Variants in FRMD4A observed in about 807,000 individuals in gnomAD.
The protein encoded by FRMD4A is FERM domain-containing protein 4A.
In FRMD4A, 29 loss-of-function variants were observed where a neutral mutation model predicts 129.1. That is an observed-to-expected ratio of 0.22 (90% CI 0.17 to 0.31). The LOEUF is 0.31. Ranked by LOEUF, FRMD4A falls within the 10% of genes least tolerant of loss-of-function variation. The pLI is 1.00. For missense variants in FRMD4A, 1,272 were observed against 1,375.8 expected, an observed-to-expected ratio of 0.92 and a Z score of 1.19; for synonymous variants, 634 against 571.6, an observed-to-expected ratio of 1.11 and a Z score of -1.56.
At chr10:14,008,237 TC>T (rs2095669558) in intron 2 of FRMD4A, 1 of 1,103,974 alleles carries the variant, frequency 9.1e-7, no homozygotes, top group Non-Finnish European at 1.1e-6. Flanking sequence ...AGAAGGAGCC[TC>T]CCTCAAAAAT....
chr10:14,083,719 T>C (rs940963010), intron 2 of FRMD4A: 7 of 152,120 alleles, frequency 4.6e-5, no homozygotes, highest in Non-Finnish European at 1.0e-4. Flanking sequence ...GGCAGATTGC[T>C]CTCTTAGCCA....
intron 2 of FRMD4A, among the ~76,000 whole-genome samples, chr10:14,020,600 A>G (rs1832698433): frequency 6.6e-6 from 1 of 151,932 alleles, no homozygotes; most frequent in Non-Finnish European, 1.5e-5. Context: ...AGCCTCTCAA[A>G]CCCCATGGGG....
chr10:13,766,170 T>A (rs1031124395), intron 6 of FRMD4A, among the ~76,000 whole-genome samples: 5 of 152,184 alleles, frequency 3.3e-5, no homozygotes, highest in Non-Finnish European at 5.9e-5. Context: ...CAGGAGAGTA[T>A]CATTGGTGAA....
chr10:14,280,977 T>C (rs1408022965), intron 2 of FRMD4A, among the ~76,000 whole-genome samples: 2 of 145,002 alleles, frequency 1.4e-5, no homozygotes, highest in Non-Finnish European at 1.5e-5. Context: ...ATCTGACTGG[T>C]TTCAATTTTT....
chr10:13,873,183 AAT>A (rs148225062), intron 2 of FRMD4A, among the ~76,000 whole-genome samples: 63,593 of 106,644 alleles, frequency 0.6, 14,501 homozygotes, highest in Non-Finnish European at 0.66. Context: ...TCTCAAAAAA[AAT>A]AAAATAAAAT....
chr10:13,739,374 G>A (rs1174825006), intron 11 of FRMD4A, among the ~76,000 whole-genome samples: 3 of 152,206 alleles, frequency 2.0e-5, no homozygotes, highest in Non-Finnish European at 2.9e-5. Context: ...CCAGAGAAGG[G>A]CTGTCATCAC....
At chr10:13,743,141 T>A (rs1371837211) in intron 9 of FRMD4A, among the ~76,000 whole-genome samples, 2 of 152,110 alleles carry the variant, frequency 1.3e-5, no homozygotes, top group East Asian at 3.9e-4. Flanking sequence ...GGTCTGGATA[T>A]CCTCTATTCA....
intron 8 of FRMD4A, among the ~76,000 whole-genome samples, chr10:13,748,193 C>T (rs1022836265): frequency 9.9e-5 from 15 of 152,128 alleles, no homozygotes; most frequent in African/African-American, 3.6e-4. Flanking sequence ...TTAGAAGAAG[C>T]TCCCCAGAAC....
intron 2 of FRMD4A, among the ~76,000 whole-genome samples, chr10:13,999,157 T>A (rs11258790): frequency 0.28 from 42,739 of 151,786 alleles, 7,240 homozygotes; most frequent in East Asian, 0.73. Context: ...CTTGCTCCCA[T>A]CTCCCTCCCT....
chr10:14,159,802 C>T (rs1383630635), intron 2 of FRMD4A, among the ~76,000 whole-genome samples: 1 of 152,220 alleles, frequency 6.6e-6, no homozygotes, highest in Non-Finnish European at 1.5e-5. Context: ...GTAATCCTCG[C>T]ACTTTGGAAG....
chr10:13,986,887 A>G (rs2095583568), intron 2 of FRMD4A, among the ~76,000 whole-genome samples: 1 of 151,808 alleles, frequency 6.6e-6, no homozygotes, highest in African/African-American at 2.4e-5. Flanking sequence ...TTCAATTCAC[A>G]ATGGAACCTA....
intron 2 of FRMD4A, among the ~76,000 whole-genome samples, chr10:14,087,258 T>A (rs1836338766): frequency 6.8e-6 from 1 of 147,430 alleles, no homozygotes. Flanking sequence ...ATTATATTTA[T>A]AAAATTATAA....
intron 9 of FRMD4A, among the ~76,000 whole-genome samples, chr10:13,747,158 G>A (rs1447188719): frequency 1.4e-5 from 2 of 142,252 alleles, no homozygotes; most frequent in Non-Finnish European, 3.0e-5. Flanking sequence ...ATTTTAGAAG[G>A]TATTCTTTTT....
At chr10:14,016,252 CT>C (rs1339666391) in intron 2 of FRMD4A, among the ~76,000 whole-genome samples, 1 of 152,178 alleles carries the variant, frequency 6.6e-6, no homozygotes, top group Non-Finnish European at 1.5e-5. Flanking sequence ...CTCACTAAAT[CT>C]TTATCATAGC....
chr10:14,030,848 A>G (rs1311564161), intron 2 of FRMD4A, among the ~76,000 whole-genome samples: 6 of 152,142 alleles, frequency 3.9e-5, no homozygotes, highest in African/African-American at 2.4e-5. Flanking sequence ...CCATTTTGAC[A>G]GCCTCTCCAA....
At chr10:14,316,509 A>AC in intron 2 of FRMD4A, among the ~76,000 whole-genome samples, 2 of 31,462 alleles carry the variant, frequency 6.4e-5, no homozygotes, top group African/African-American at 3.7e-4. Context: ...TGATAGCAGC[A>AC]AAAAAAAAAA....
chr10:13,770,461 T>G (rs968281643), intron 6 of FRMD4A, among the ~76,000 whole-genome samples: 2 of 152,298 alleles, frequency 1.3e-5, no homozygotes, highest in Non-Finnish European at 2.9e-5. Context: ...TTATTTTTGT[T>G]GAGACAGGGT....
At position 14,330,029 on chromosome 10, in the gene FRMD4A, CG is replaced by C. The variant is rs1843454524; in HGVS notation, c.45+28del. On this transcript the variant is annotated intron_variant, in intron 2 of 24. Coordinates refer to ENST00000357447, the MANE Select transcript of FRMD4A (RefSeq NM_018027.5). ...AGGGGAGGCTGGAGTGGACGCTGCC[CG>C]GGCCCCACCTCCTGTCTGAACACTC... The C allele has an allele frequency of 3.2e-6, 5 of 1,551,052 alleles. No homozygotes were observed. In the East Asian group the frequency reaches 1.2e-4, roughly 38 times the overall value.
At chr10:13,994,669 C>G (rs560585706) in intron 2 of FRMD4A, among the ~76,000 whole-genome samples, 1 of 152,192 alleles carries the variant, frequency 6.6e-6, no homozygotes, top group African/African-American at 2.4e-5. Flanking sequence ...TATTTCATAT[C>G]TCTCACTCTG....
Sources: allele counts gnomAD v4.1 joint callset (sites outside exome capture counted in the v4.1 genomes callset), GRCh38; gene constraint gnomAD v4.1.1; transcripts MANE v1.5; gene names NCBI Gene and HGNC (gene_info 2026-07-23, HGNC 2026-07-21).